The following DNAH5 variants were observed in gnomAD, a reference collection of about 807,000 sequenced individuals.
DNAH5 encodes axonemal beta dynein heavy chain 5.
A neutral mutation model predicts 518.2 loss-of-function variants in DNAH5; 372 were observed. The ratio of observed to expected loss-of-function variants is 0.72; its 90% CI spans 0.66 to 0.78. The LOEUF (loss-of-function observed/expected upper bound fraction) is 0.78. Among genes scored for constraint, DNAH5 ranks in the 30% least tolerant of loss-of-function variants. The probability of loss-of-function intolerance (pLI) is 0.00; values close to 1 mark genes in which losing one functional copy is unlikely to be tolerated. For missense variants in DNAH5, 5,523 were observed against 5,687.0 expected (o/e 0.97, Z 0.93); for synonymous variants, 2,039 against 2,025.9 (o/e 1.01, Z -0.17).
intron 4 of DNAH5, among the ~76,000 whole-genome samples, chr5:13,922,960 T>G (rs1208119006): frequency 6.6e-6 from 1 of 152,088 alleles, no homozygotes; most frequent in Admixed American, 6.5e-5. Flanking sequence ...TTCAGAAATC[T>G]TATCTTAAAT....
At chr5:13,969,932 T>C (rs1287741748) in intron 1 of DNAH5, among the ~76,000 whole-genome samples, 2 of 152,218 alleles carry the variant, frequency 1.3e-5, no homozygotes, top group African/African-American at 4.8e-5. Flanking sequence ...TGCTATCTCA[T>C]TACTAATGTC....
chr5:13,778,876 G>A (rs1754656141), intron 53 of DNAH5, among the ~76,000 whole-genome samples: 2 of 152,222 alleles, frequency 1.3e-5, no homozygotes, highest in African/African-American at 4.8e-5. Flanking sequence ...CATCAGTAAT[G>A]GATCATTCCC....
At chr5:13,874,061 G>A (rs1283215182) in intron 22 of DNAH5, among the ~76,000 whole-genome samples, 1 of 152,082 alleles carries the variant, frequency 6.6e-6, no homozygotes, top group Non-Finnish European at 1.5e-5. Flanking sequence ...CCGAGCCTCA[G>A]GTTCAATGGA....
intron 12 of DNAH5, among the ~76,000 whole-genome samples, chr5:13,903,979 A>G (rs1041657476): frequency 6.6e-6 from 1 of 152,180 alleles, no homozygotes; most frequent in Non-Finnish European, 1.5e-5. Context: ...ACTATTAGTA[A>G]TAACAAGTTT....
rs775866092 is a variant in DNAH5 at position 13,871,695 on chromosome 5, AT to A, written c.3466del (p.Ile1156LeufsTer24). 2.5e-6 allele frequency: 4 copies of A among 1,613,790 alleles called. No homozygotes were observed. Among genetic ancestry groups the A allele is most frequent in the Non-Finnish European group, 3.4e-6 (4 of 1,179,814 alleles). ...GGGGCTCTGTGTAATAAATGTCTTA[AT>A]GGCTTCTTCTTTTCCCTTTTGCCAA... Reference protein sequence around the residue: ...HIWQKGKEEAIKTFITQSPLL... With the variant: ...HIWQKGKEEAXKTFITQSPLL... On this transcript the variant is annotated frameshift_variant, in exon 23 of 79. Transcript: ENST00000265104. LOFTEE classifies it high-confidence loss of function.
intron 47 of DNAH5, among the ~76,000 whole-genome samples, chr5:13,798,852 T>C (rs980715584): frequency 2.6e-5 from 4 of 151,758 alleles, no homozygotes; most frequent in African/African-American, 9.7e-5. Context: ...CTGCAGCCTT[T>C]GCCTCCCGGG....
At chr5:13,907,574 C>T (rs1775474954) in intron 12 of DNAH5, among the ~76,000 whole-genome samples, 1 of 152,092 alleles carries the variant, frequency 6.6e-6, no homozygotes, top group South Asian at 2.1e-4. Flanking sequence ...TTTTAAAAAT[C>T]CTTTTCATGA....
At chr5:13,778,605 A>AGAGAGAGG (rs1561235078) in intron 53 of DNAH5, among the ~76,000 whole-genome samples, 14 of 151,296 alleles carry the variant, frequency 9.3e-5, no homozygotes, top group Non-Finnish European at 1.8e-4. Context: ...AAAGAGAGAG[A>AGAGAGAGG]GAAAGAAAAA....
chr5:13,762,183 T>C (rs1291093570), intron 60 of DNAH5, among the ~76,000 whole-genome samples: 1 of 152,076 alleles, frequency 6.6e-6, no homozygotes, highest in Non-Finnish European at 1.5e-5. Context: ...ACAAAGGAAA[T>C]AAAAAGCATG....
At chr5:13,769,247 G>GTTTTTTTTTTTTTTTT in intron 57 of DNAH5, 111 bp from the exon 58 acceptor site, 1 of 746,572 alleles carries the variant, frequency 1.3e-6, no homozygotes, top group Non-Finnish European at 2.0e-6. Context: ...CAGTTTTGTT[G>GTTTTTTTTTTTTTTTT]TTTTTTTTTT....
chr5:13,759,051 T>TGA, intron 60 of DNAH5, 68 bp from the exon 61 acceptor site: 1 of 1,591,890 alleles, frequency 6.3e-7, no homozygotes, highest in African/African-American at 1.4e-5. Context: ...TTTCAGGGTC[T>TGA]GAGAACTCAG....
chr5:13,871,499 T>G (rs1458325426), intron 23 of DNAH5, 65 bp downstream of exon 23: 1 of 1,360,490 alleles, frequency 7.4e-7, no homozygotes, highest in Non-Finnish European at 1.0e-6. Context: ...GGAATACAAA[T>G]CTAGGTAAAG....
At chr5:13,760,303 GACTTGTAGA>G (rs1180197205) in intron 60 of DNAH5, among the ~76,000 whole-genome samples, 1 of 152,116 alleles carries the variant, frequency 6.6e-6, no homozygotes, top group Non-Finnish European at 1.5e-5. Context: ...CTCAACTTAG[GACTTGTAGA>G]ACTCTGTGCA....
Position 13,944,627 on chromosome 5 carries a change from C to G in DNAH5, c.-189G>C. The G allele has an allele frequency of 3.2e-6, 2 of 619,834 alleles. No homozygotes were observed. Among genetic ancestry groups the G allele is most frequent in the South Asian group, 3.7e-5 (2 of 54,542 alleles). 38.4% of individuals were successfully genotyped at this position (619,834 alleles called of 1,614,324 possible). On this transcript the variant is annotated 5_prime_UTR_variant, in exon 1 of 79. Coordinates refer to ENST00000265104, the MANE Select transcript of DNAH5 (RefSeq NM_001369.3). ...AAATTAAAACTCCACTTATACCACT[C>G]AAGTTTTTCTCCTAGAGTGTCTGCC...
At chr5:13,838,809 C>G (rs1242364834) in intron 35 of DNAH5, among the ~76,000 whole-genome samples, 1 of 152,012 alleles carries the variant, frequency 6.6e-6, no homozygotes, top group Admixed American at 6.6e-5. Flanking sequence ...GGCTGGGGAC[C>G]ACTGGCTTAG....
At chr5:13,862,477 T>C in intron 29 of DNAH5, 71 bp downstream of exon 29, 1 of 1,456,620 alleles carries the variant, frequency 6.9e-7, no homozygotes, top group Admixed American at 1.7e-5. Context: ...TTGTAATGGA[T>C]TTTTCATTAA....
intron 39 of DNAH5, 126 bp downstream of exon 39, chr5:13,824,073 A>G: frequency 9.9e-7 from 1 of 1,011,556 alleles, no homozygotes; most frequent in Non-Finnish European, 1.5e-6. Flanking sequence ...GATGCTCTCC[A>G]GCACTTTATC....
intron 1 of DNAH5, among the ~76,000 whole-genome samples, chr5:13,979,643 C>T (rs1204417186): frequency 6.6e-6 from 1 of 152,188 alleles, no homozygotes; most frequent in African/African-American, 2.4e-5. Flanking sequence ...GAATTCACCC[C>T]AACCTGGCTT....
At position 14,002,704 on chromosome 5, in the gene DNAH5, T is replaced by C. The variant is rs112591121; in HGVS notation, c.12+8944A>G. On this transcript the variant is annotated intron_variant, in intron 1 of 78. Coordinates refer to the DNAH5 transcript ENST00000681290. ...TGTTTAGCAGATCAAAAGTTCCCAC[T>C]AATGCTAGAAATTTGCAGTGTCTAA... Among the ~76,000 whole-genome samples, 364 of 152,246 alleles carry C rather than the reference T, an allele frequency of 2.4e-3. 3 individuals are homozygous for C. Among genetic ancestry groups the C allele is most frequent in the African/African-American group, 8.1e-3 (338 of 41,576 alleles).
Sources: allele counts gnomAD v4.1 joint callset (sites outside exome capture counted in the v4.1 genomes callset), GRCh38; gene constraint gnomAD v4.1.1; transcripts MANE v1.5; gene names NCBI Gene and HGNC (gene_info 2026-07-23, HGNC 2026-07-21).